The following GPR83 variants were observed in gnomAD, a reference collection of about 807,000 sequenced individuals.
The protein encoded by GPR83 is G protein-coupled receptor 83.
Under a neutral mutation model 28.0 loss-of-function variants are expected in GPR83, and 23 were observed. That is an observed-to-expected ratio of 0.82 (90% confidence interval 0.59 to 1.16). The LOEUF is 1.16. Among genes scored for constraint, GPR83 ranks in the 50% most tolerant of loss-of-function variants. The pLI is 0.00. For missense variants in GPR83, 610 were observed against 536.6 expected, an observed-to-expected ratio of 1.14 and a Z score of -1.35; for synonymous variants, 234 against 215.4, an observed-to-expected ratio of 1.09 and a Z score of -0.76.
At chr11:94,398,635 A>C (rs1944886722) in intron 1 of GPR83, among the ~76,000 whole-genome samples, 5 of 152,110 alleles carry the variant, frequency 3.3e-5, no homozygotes, top group Non-Finnish European at 7.4e-5. Context: ...TGGGAACTGT[A>C]AGTAATTGTC....
intron 1 of GPR83, among the ~76,000 whole-genome samples, chr11:94,398,245 C>T (rs1007252545): frequency 5.9e-5 from 9 of 152,098 alleles, no homozygotes; most frequent in African/African-American, 2.2e-4. Context: ...TTGTTGTCAC[C>T]CTCCTGTTTG....
Position 94,378,921 on chromosome 11 carries a change from T to C in GPR83, c.*1228A>G, listed in dbSNP as rs1483961318. 2.0e-5 allele frequency: 3 copies of C among 152,144 alleles called. No individual in the cohort carries two copies. The highest frequency in any genetic ancestry group is 7.2e-5 in the African/African-American group (3 of 41,436). The allele number at this position is 152,144 out of a possible 1,614,324, so 9.4% of individuals were successfully genotyped here. A position where few individuals can be genotyped will look rare whatever the true frequency, so the allele number is the denominator to read the frequency against. ...AAGGAGGGGCATGTGAGCCAGGCCC[T>C]TCCCACCACTGTCTACAATAGGGGG... On this transcript the variant is annotated 3_prime_UTR_variant, in exon 4 of 4. Transcript: ENST00000243673.
intron 3 of GPR83, among the ~76,000 whole-genome samples, chr11:94,392,825 CA>C (rs61184055): frequency 0.074 from 10,425 of 141,062 alleles, 435 homozygotes; most frequent in Admixed American, 0.14. Context: ...GACTCTGTCT[CA>C]AAAAAAAAAA....
rs541140036 is a variant in GPR83 at position 94,380,669 on chromosome 11, G to A, written c.752C>T (p.Pro251Leu). The A allele has an allele frequency of 4.3e-6, 7 of 1,613,972 alleles. No homozygotes were observed. The highest frequency in any genetic ancestry group is 4.5e-5 in the East Asian group (2 of 44,876). The change falls in exon 4 of 4, where the codon CCC becomes CTC. Residue 251 changes from proline (P) to leucine (L), a missense_variant. Transcript: ENST00000243673. ...LATFILLYIL[P>L]LLIISVAYAR... is the part of the protein sequence containing the mutation. The stretch of plus-strand genomic sequence containing the variant: ...GTAGGCCACAGAGATGATGAGGAGG[G>A]GCAGGATGTAGAGCAGGATGAAGGT...
rs759186035 is a variant in GPR83 at position 94,396,378 on chromosome 11, A to C, written c.513+21T>G. ...GAAGCAAGAGAGGGAAGAGCAGAGC[A>C]TTAGGGGTAGGTGCCCTCACCTGGT... is the stretch of plus-strand genomic sequence containing the variant. On this transcript the variant is annotated intron_variant, in intron 2 of 3. Transcript: ENST00000243673. 40 of 1,611,934 alleles carry C rather than the reference A, an allele frequency of 2.5e-5. 1 individual carries two copies. The South Asian group carries it at 4.4e-4, about 18-fold the overall frequency.
intron 2 of GPR83, among the ~76,000 whole-genome samples, chr11:94,394,783 G>A (rs927900379): frequency 1.3e-5 from 2 of 152,200 alleles, no homozygotes; most frequent in South Asian, 4.1e-4. Flanking sequence ...CTGGGGCAGA[G>A]GCTCCAAGCA....
At chr11:94,380,797 G>A (rs771081900) in intron 3 of GPR83, 24 bp from the exon 4 acceptor site, 1 of 1,585,236 alleles carries the variant, frequency 6.3e-7, no homozygotes, top group Admixed American at 1.7e-5. Flanking sequence ...GTGGGGAGGG[G>A]GAGAGAGGTA....
chr11:94,381,171 GAAAAGAAATGAT>G (rs1944682920), intron 3 of GPR83, among the ~76,000 whole-genome samples: 1 of 152,162 alleles, frequency 6.6e-6, no homozygotes, highest in Admixed American at 6.5e-5. Flanking sequence ...AAGGCATAAA[GAAAAGAAATGAT>G]GGATCTTGAG....
intron 3 of GPR83, among the ~76,000 whole-genome samples, chr11:94,392,411 G>A (rs564907305): frequency 5.9e-5 from 9 of 152,070 alleles, no homozygotes; most frequent in Non-Finnish European, 7.4e-5. Context: ...ACCATGGCAC[G>A]TGTATACCAC....
Position 94,380,746 on chromosome 11 carries a change from C to T in GPR83, c.675G>A (p.Leu225=). The T allele has an allele frequency of 6.2e-7, 1 of 1,611,106 alleles. No individual in the cohort carries two copies. The highest frequency in any genetic ancestry group is 1.1e-5 in the South Asian group (1 of 90,926). The change falls in exon 4 of 4, where the codon CTG becomes CTA. Residue 225 remains leucine (L), a synonymous_variant. Coordinates refer to ENST00000243673, the MANE Select transcript of GPR83 (RefSeq NM_016540.4). The stretch of plus-strand genomic sequence containing the variant: ...GGTCAGCTGGCTCAGGGAAGTCTGG[C>T]AGGCAGAGGGAGCGCACAATGTCCT... ...YSEDIVRSLC[L]PDFPEPADLF...
chr11:94,380,655 AGAT>A lies in GPR83; in HGVS notation c.763_765del (p.Ile255del). The stretch of plus-strand genomic sequence containing the variant: ...TTGGCCACACGAGCGTAGGCCACAG[AGAT>A]GATGAGGAGGGGCAGGATGTAGAGC... On this transcript the variant is annotated inframe_deletion, in exon 4 of 4. Coordinates refer to ENST00000243673, the MANE Select transcript of GPR83 (RefSeq NM_016540.4). 1 of 1,614,046 alleles carries A rather than the reference AGAT, an allele frequency of 6.2e-7. No individual in the cohort carries two copies. Among genetic ancestry groups the A allele is most frequent in the Non-Finnish European group, 8.5e-7 (1 of 1,180,024 alleles).
chr11:94,393,921 T>C (rs540662015), intron 2 of GPR83, among the ~76,000 whole-genome samples: 1 of 152,214 alleles, frequency 6.6e-6, no homozygotes, highest in Non-Finnish European at 1.5e-5. Flanking sequence ...ATTGAGCCCC[T>C]GAGCTACATC....
At chr11:94,397,626 C>T (rs1944878586) in intron 1 of GPR83, among the ~76,000 whole-genome samples, 1 of 152,240 alleles carries the variant, frequency 6.6e-6, no homozygotes. Context: ...ACCCTTTTCA[C>T]ATGGTTGTTA....
chr11:94,384,958 G>A (rs1481860460), intron 3 of GPR83, among the ~76,000 whole-genome samples: 1 of 152,206 alleles, frequency 6.6e-6, no homozygotes, highest in Non-Finnish European at 1.5e-5. Context: ...AGGAGGGGCA[G>A]ACTGACATCT....
intron 3 of GPR83, among the ~76,000 whole-genome samples, chr11:94,385,500 T>G (rs1944744700): frequency 6.6e-6 from 1 of 152,124 alleles, no homozygotes; most frequent in Admixed American, 6.5e-5. Context: ...GAGAAGTCCT[T>G]AAAGGACCTG....
Position 94,380,758 on chromosome 11 carries a change from G to A in GPR83, c.663C>T (p.Arg221=). ...FTFKYSEDIV[R]SLCLPDFPEP... ...CAGGGAAGTCTGGCAGGCAGAGGGAGCGCACAATGTCCTCACTGGGGGCAG... is the reference window on the plus strand; with the variant it reads ...CAGGGAAGTCTGGCAGGCAGAGGGAACGCACAATGTCCTCACTGGGGGCAG... Residue 221 remains arginine, a synonymous_variant, in exon 4 of 4, where the codon CGC becomes CGT. Transcript: ENST00000243673. The A allele has an allele frequency of 6.2e-7, 1 of 1,610,502 alleles. No homozygotes were observed. Among genetic ancestry groups the A allele is most frequent in the Non-Finnish European group, 8.5e-7 (1 of 1,179,048 alleles).
At position 94,380,240 on chromosome 11, in the gene GPR83, G is replaced by A. The variant is rs781580441; in HGVS notation, c.1181C>T (p.Ala394Val). ...AWTEKNDGQRAPLANNLLPTS... is the reference protein window; with the variant it reads ...AWTEKNDGQRVPLANNLLPTS... ...GGGCAGGAGGTTATTGGCAAGGGGA[G>A]CCCTCTGGCCATCATTCTTCTCTGT... The change falls in exon 4 of 4, where the codon GCT becomes GTT. Residue 394 changes from alanine (A) to valine (V), a missense_variant. Physicochemically the swap from Ala to Val is moderately conservative, Grantham distance 64. Coordinates refer to ENST00000243673, the MANE Select transcript of GPR83 (RefSeq NM_016540.4). The A allele has an allele frequency of 3.9e-6, 6 of 1,528,374 alleles. No homozygotes were observed. Among genetic ancestry groups the A allele is most frequent in the African/African-American group, 2.8e-5 (2 of 72,048 alleles). 94.7% of individuals were successfully genotyped at this position (1,528,374 alleles called of 1,614,324 possible).
chr11:94,394,199 T>G (rs1467485298), intron 2 of GPR83, among the ~76,000 whole-genome samples: 2 of 152,164 alleles, frequency 1.3e-5, no homozygotes, highest in South Asian at 2.1e-4. Flanking sequence ...CTTCCCATGA[T>G]TCTAGACCCC....
chr11:94,387,994 T>A (rs1365637725), intron 3 of GPR83, among the ~76,000 whole-genome samples: 1 of 152,304 alleles, frequency 6.6e-6, no homozygotes, highest in Non-Finnish European at 1.5e-5. Context: ...GTGGGCTTCA[T>A]CCCTGGGATG....
Sources: gnomAD v4.1 joint callset for allele counts (sites outside exome capture counted in the v4.1 genomes callset) on GRCh38, gnomAD v4.1.1 for gene constraint, MANE v1.5 for transcripts, NCBI Gene and HGNC (gene_info 2026-07-23, HGNC 2026-07-21) for gene names.